UCHL5: variants seen among roughly 807,000 people sequenced by gnomAD.
UCHL5 encodes the protein ubiquitin C-terminal hydrolase L5.
A neutral mutation model predicts 53.8 loss-of-function variants in UCHL5; 34 were observed. The observed-to-expected ratio is 0.63, with a 90% CI of 0.48 to 0.84. UCHL5 has a LOEUF of 0.84. Ranked by LOEUF, UCHL5 falls within the 40% of genes least tolerant of loss-of-function variation. The probability of loss-of-function intolerance (pLI) is 0.00; values close to 1 mark genes in which losing one functional copy is unlikely to be tolerated. For synonymous variants in UCHL5, 111 were observed against 126.3 expected (o/e 0.88, Z 0.81); for missense variants, 290 against 385.6 (o/e 0.75, Z 2.08).
intron 1 of UCHL5, among the ~76,000 whole-genome samples, chr1:193,054,185 G>C (rs1049986714): frequency 2.0e-5 from 3 of 152,068 alleles, no homozygotes; most frequent in African/African-American, 7.3e-5. Context: ...TATACCGATG[G>C]GTCTAGGGAT....
intron 3 of UCHL5, among the ~76,000 whole-genome samples, chr1:193,037,472 A>T (rs1252081913): frequency 6.6e-6 from 1 of 152,152 alleles, no homozygotes; most frequent in East Asian, 1.9e-4. Flanking sequence ...AATAACAAGT[A>T]ATGAGATCAG....
intron 3 of UCHL5, among the ~76,000 whole-genome samples, chr1:193,035,728 C>G (rs925755838): frequency 2.0e-5 from 3 of 152,032 alleles, no homozygotes; most frequent in Non-Finnish European, 4.4e-5. Flanking sequence ...GCAGTCTGCT[C>G]ATAACTCTGA....
upstream of UCHL5, chr1:193,059,740 G>A (rs780730938): frequency 4.4e-6 from 6 of 1,354,284 alleles, no homozygotes; most frequent in African/African-American, 8.9e-5. The surrounding 1 kb of genome is among the most constrained non-coding windows in gnomAD (Gnocchi z 4.9). Context: ...TTCTCCTGGC[G>A]GCGCTGCGGA....
intron 10 of UCHL5, chr1:193,019,968 ACAT>A (rs1414086651): frequency 1.0e-5 from 10 of 983,502 alleles, no homozygotes; most frequent in Admixed American, 1.2e-4. Context: ...ATGATTAATA[ACAT>A]CATATCTAGG....
chr1:193,032,769 T>C (rs558666950), intron 3 of UCHL5, among the ~76,000 whole-genome samples: 20 of 152,120 alleles, frequency 1.3e-4, no homozygotes, highest in Non-Finnish European at 2.2e-4. Flanking sequence ...AACAAACATA[T>C]GAAAGAAAGC....
In UCHL5 at chr1:193,029,579, C is replaced by T. The variant is rs375196985; in HGVS notation, c.325G>A (p.Glu109Lys). The T allele has an allele frequency of 2.0e-4, 317 of 1,613,422 alleles. No individual in the cohort carries two copies. The highest frequency in any genetic ancestry group is 2.5e-4 in the Admixed American group (15 of 59,956). Residue 109 changes from glutamate to lysine, a missense_variant, in exon 4 of 11, where the codon GAG (glutamate) becomes AAG (lysine). Glu to Lys is a moderately conservative substitution (Grantham distance 56). Transcript: ENST00000367454. ...AATTCTTTAAACTCTGATAATGTCT[C>T]GCCTAAATGGACATCCTGGTGGGTA... ...NCTHQDVHLG[E>K]TLSEFKEFSQ...
intron 3 of UCHL5, among the ~76,000 whole-genome samples, chr1:193,043,224 T>C (rs1666301057): frequency 6.7e-6 from 1 of 150,082 alleles, no homozygotes; most frequent in African/African-American, 2.5e-5. Context: ...TATGCCTAAC[T>C]GTACCTAATA....
chr1:193,023,062 G>C, intron 8 of UCHL5, 26 bp from the exon 9 acceptor site: 2 of 1,453,780 alleles, frequency 1.4e-6, no homozygotes, highest in African/African-American at 2.8e-5. Context: ...AAAAGAAATA[G>C]CACACCCTAA....
intron 2 of UCHL5, 137 bp downstream of exon 2, chr1:193,051,617 A>G: frequency 2.4e-6 from 1 of 417,360 alleles, no homozygotes; most frequent in Non-Finnish European, 4.3e-6. Context: ...TCTATCTCAC[A>G]GGATTGAAGA....
At chr1:193,023,106 G>T in intron 8 of UCHL5, 70 bp from the exon 9 acceptor site, 2 of 1,149,864 alleles carry the variant, frequency 1.7e-6, no homozygotes, top group Non-Finnish European at 2.6e-6. Context: ...ATTTTAAAAT[G>T]ATAAACACAG....
intron 3 of UCHL5, among the ~76,000 whole-genome samples, chr1:193,039,970 T>G (rs1408165635): frequency 6.6e-6 from 1 of 152,100 alleles, no homozygotes; most frequent in Non-Finnish European, 1.5e-5. Context: ...TAGATCCCAG[T>G]GTCCCACCGT....
intron 3 of UCHL5, among the ~76,000 whole-genome samples, chr1:193,043,445 C>T (rs1337663263): frequency 1.3e-5 from 2 of 152,168 alleles, no homozygotes; most frequent in African/African-American, 4.8e-5. Flanking sequence ...CTGTCACTTA[C>T]TCAGAGAGGC....
chr1:193,046,390 T>A (rs1346478461), intron 3 of UCHL5, among the ~76,000 whole-genome samples: 1 of 152,016 alleles, frequency 6.6e-6, no homozygotes, highest in Non-Finnish European at 1.5e-5. Flanking sequence ...AAAAGATTAA[T>A]TAATTAAATT....
At chr1:193,059,654 G>A (rs1257723047), upstream of UCHL5, 2 of 1,384,028 alleles carry the variant, frequency 1.4e-6, no homozygotes, top group Non-Finnish European at 1.9e-6. The surrounding 1 kb of genome is among the most constrained non-coding windows in gnomAD (Gnocchi z 4.9). Flanking sequence ...GGCGGCAGTG[G>A]GGCTGTTGCT....
chr1:193,053,408 T>C (rs1233175886), intron 1 of UCHL5, among the ~76,000 whole-genome samples: 1 of 152,240 alleles, frequency 6.6e-6, no homozygotes, highest in Non-Finnish European at 1.5e-5. Context: ...GTAGCGACAC[T>C]GCTTAAACAA....
chr1:193,059,762 G>A, upstream of UCHL5: 1 of 1,356,028 alleles, frequency 7.4e-7, no homozygotes, highest in Non-Finnish European at 9.8e-7. The surrounding 1 kb of genome is among the most constrained non-coding windows in gnomAD (Gnocchi z 4.9). Context: ...CCAGGGGGTC[G>A]GCTGCCAGGT....
At chr1:193,029,128 A>G (rs1182682155) in intron 6 of UCHL5, 51 bp downstream of exon 6, 1 of 1,588,852 alleles carries the variant, frequency 6.3e-7, no homozygotes, top group Non-Finnish European at 8.6e-7. Flanking sequence ...TAAATACCCA[A>G]CAGATTTTCC....
chr1:193,050,841 T>G (rs1158304787), intron 2 of UCHL5, among the ~76,000 whole-genome samples: 1 of 152,152 alleles, frequency 6.6e-6, no homozygotes, highest in Non-Finnish European at 1.5e-5. Context: ...GGGCTAGACT[T>G]GAACTCCTGG....
chr1:193,030,917 G>A (rs1323798956), intron 3 of UCHL5, among the ~76,000 whole-genome samples: 1 of 152,066 alleles, frequency 6.6e-6, no homozygotes, highest in Non-Finnish European at 1.5e-5. Flanking sequence ...TTACAGAATA[G>A]TCTCGTACTC....
Sources: allele counts gnomAD v4.1 joint callset (sites outside exome capture counted in the v4.1 genomes callset), GRCh38; gene constraint gnomAD v4.1.1; non-coding constraint Gnocchi (gnomAD v3.1); transcripts MANE v1.5; gene names NCBI Gene and HGNC (gene_info 2026-07-23, HGNC 2026-07-21).